Variants in NCALD observed in about 807,000 individuals in gnomAD.
NCALD encodes neurocalcin delta.
A neutral mutation model predicts 18.6 loss-of-function variants in NCALD; 10 were observed. That is an observed-to-expected ratio of 0.54 (90% confidence interval 0.33 to 0.91). The LOEUF is 0.91. Ranked by LOEUF, NCALD falls within the 40% of genes least tolerant of loss-of-function variation. The pLI is 0.03. For synonymous variants in NCALD, 88 were observed against 87.4 expected (o/e 1.01, Z -0.04); for missense variants, 184 against 247.6 (o/e 0.74, Z 1.72).
chr8:101,954,546 C>T (rs1383009056), intron 2 of NCALD, among the ~76,000 whole-genome samples: 2 of 152,118 alleles, frequency 1.3e-5, no homozygotes, highest in Non-Finnish European at 1.5e-5. Flanking sequence ...CTCTTTCAAT[C>T]GAAAGGATGA....
chr8:101,720,118 G>A (rs1368693512), intron 1 of NCALD, among the ~76,000 whole-genome samples: 2 of 152,178 alleles, frequency 1.3e-5, no homozygotes, highest in African/African-American at 4.8e-5. Context: ...AGGTTTTATT[G>A]CTAGAATATT....
rs866588990 is a variant in NCALD, at chr8:101,800,953, G to A, written c.-19-81305C>T. Among the ~76,000 whole-genome samples, 22 of 105,756 alleles carry A rather than the reference G, an allele frequency of 2.1e-4. No individual in the cohort carries two copies. The Middle Eastern group carries it at 0.013, about 64-fold the overall frequency. 69.4% of individuals were successfully genotyped at this position (105,756 alleles called of 152,430 possible). A position where few individuals can be genotyped will look rare whatever the true frequency, so the allele number is the denominator to read the frequency against. ...GGGGAGGGGAGAGGAAGGGAGAAGAGGGGAGGGGAGAAGAGGGGAGGGGAA... is the reference window on the plus strand; with the variant it reads ...GGGGAGGGGAGAGGAAGGGAGAAGAAGGGAGGGGAGAAGAGGGGAGGGGAA... On this transcript the variant is annotated intron_variant, in intron 4 of 6. Transcript: ENST00000311028.
intron 2 of NCALD, among the ~76,000 whole-genome samples, chr8:101,949,015 A>C (rs1819285259): frequency 6.6e-6 from 1 of 152,226 alleles, no homozygotes; most frequent in Non-Finnish European, 1.5e-5. Context: ...TGTACCTTAC[A>C]GAAAACATCT....
In NCALD at chr8:101,732,590, C is replaced by CTT. The variant is rs576286368; in HGVS notation, c.-19-12944_-19-12943dup. On this transcript the variant is annotated intron_variant, in intron 1 of 3. Coordinates refer to ENST00000220931, the MANE Select transcript of NCALD (RefSeq NM_032041.3). ...AATTCAGAGTATTTCTTTTTCTTTG[C>CTT]TTTTTTTTTTTTTTTTTTTTTTTTT... 4.7e-3 allele frequency among the ~76,000 whole-genome samples: 251 copies of CTT among 53,686 alleles called. 16 individuals carry two copies. Among genetic ancestry groups the CTT allele is most frequent in the Admixed American group, 9.6e-3 (32 of 3,332 alleles). 35.2% of individuals were successfully genotyped at this position (53,686 alleles called of 152,430 possible).
chr8:101,745,109 T>C (rs1260901568), intron 1 of NCALD, among the ~76,000 whole-genome samples: 1 of 151,864 alleles, frequency 6.6e-6, no homozygotes, highest in Non-Finnish European at 1.5e-5. Context: ...TAAAATTTTA[T>C]GAACTCTCAA....
At chr8:101,725,461 T>C (rs1385435766) in intron 1 of NCALD, among the ~76,000 whole-genome samples, 1 of 152,180 alleles carries the variant, frequency 6.6e-6, no homozygotes, top group Non-Finnish European at 1.5e-5. Context: ...TCCACATTTA[T>C]CACCTTTCAA....
chr8:101,931,576 AT>A (rs1403601896), intron 2 of NCALD, among the ~76,000 whole-genome samples: 1 of 151,680 alleles, frequency 6.6e-6, no homozygotes, highest in Non-Finnish European at 1.5e-5. Context: ...CAGGCGACAT[AT>A]TTCCTATAAC....
At chr8:101,722,048 G>A (rs1816383720) in intron 1 of NCALD, among the ~76,000 whole-genome samples, 1 of 152,022 alleles carries the variant, frequency 6.6e-6, no homozygotes, top group African/African-American at 2.4e-5. Context: ...TCACTTTGTT[G>A]CCTAGCCTGG....
intron 1 of NCALD, among the ~76,000 whole-genome samples, chr8:101,761,523 T>C (rs1335575132): frequency 2.6e-5 from 4 of 152,188 alleles, no homozygotes; most frequent in Non-Finnish European, 5.9e-5. Context: ...ATCTCTTGGA[T>C]GAAAGTGCAT....
chr8:101,985,662 C>T (rs1043122632), intron 2 of NCALD, among the ~76,000 whole-genome samples: 1 of 152,178 alleles, frequency 6.6e-6, no homozygotes, highest in Non-Finnish European at 1.5e-5. Context: ...AGAGGATGAA[C>T]ATTAATGTTG....
At chr8:101,809,036 CAT>C (rs766128318) in intron 4 of NCALD, among the ~76,000 whole-genome samples, 4 of 152,156 alleles carry the variant, frequency 2.6e-5, no homozygotes, top group African/African-American at 2.4e-5. Context: ...TGAAATATCA[CAT>C]GTTTAATAAG....
intron 1 of NCALD, among the ~76,000 whole-genome samples, chr8:101,732,463 T>C (rs1816877166): frequency 1.3e-5 from 2 of 152,116 alleles, no homozygotes; most frequent in Admixed American, 6.5e-5. Flanking sequence ...TTGGCACACA[T>C]GTGTTTAACA....
At chr8:102,004,828 T>C (rs1363916872) in intron 2 of NCALD, among the ~76,000 whole-genome samples, 1 of 152,164 alleles carries the variant, frequency 6.6e-6, no homozygotes, top group African/African-American at 2.4e-5. Context: ...GCTAGCCATA[T>C]GTAGAAAGCT....
intron 4 of NCALD, among the ~76,000 whole-genome samples, chr8:101,854,431 GA>G (rs1396483996): frequency 6.6e-6 from 1 of 152,160 alleles, no homozygotes; most frequent in African/African-American, 2.4e-5. Flanking sequence ...GCATGGGTCA[GA>G]AAGCTCCTAC....
intron 2 of NCALD, among the ~76,000 whole-genome samples, chr8:101,701,790 G>A (rs1425935818): frequency 6.6e-6 from 1 of 152,188 alleles, no homozygotes; most frequent in Non-Finnish European, 1.5e-5. Flanking sequence ...GCAGACTACG[G>A]ACAACAGAAG....
At chr8:102,043,173 G>A (rs1651419681) in intron 1 of NCALD, among the ~76,000 whole-genome samples, 1 of 151,934 alleles carries the variant, frequency 6.6e-6, no homozygotes, top group South Asian at 2.1e-4. Context: ...TCACCTAACA[G>A]TTATGAGCAG....
Position 102,121,183 on chromosome 8 carries a change from G to T in NCALD, c.-210+3054C>A, listed in dbSNP as rs1396124040. ...CTAAGTAGTAAGTATTTTAGACATG[G>T]TCCCTATCACATATTCTTCTCCGTG... is the stretch of plus-strand genomic sequence containing the variant. On this transcript the variant is annotated intron_variant, in intron 1 of 6. Transcript: ENST00000311028. Among the ~76,000 whole-genome samples the T allele has an allele frequency of 2.0e-5, 3 of 152,120 alleles. No individual in the cohort carries two copies. In the East Asian group the frequency reaches 5.8e-4, roughly 29 times the overall value.
intron 1 of NCALD, among the ~76,000 whole-genome samples, chr8:102,026,975 G>A (rs182924062): frequency 2.6e-5 from 4 of 152,326 alleles, no homozygotes; most frequent in South Asian, 2.1e-4. Context: ...TGAGCTGTAC[G>A]TTGGCTCCTT....
intron 1 of NCALD, among the ~76,000 whole-genome samples, chr8:102,081,567 A>C (rs1356759173): frequency 0.12 from 13,273 of 111,820 alleles, 1,704 homozygotes; most frequent in African/African-American, 0.39. Context: ...AAAAAAAAAA[A>C]AAAAAAAAAC....
Sources: gnomAD v4.1 joint callset for allele counts (sites outside exome capture counted in the v4.1 genomes callset) on GRCh38, gnomAD v4.1.1 for gene constraint, MANE v1.5 for transcripts, NCBI Gene and HGNC (gene_info 2026-07-23, HGNC 2026-07-21) for gene names.